Variants in SNTG2 observed in about 807,000 individuals in gnomAD.
The protein encoded by SNTG2 is gamma-2-syntrophin.
Under a neutral mutation model 70.9 loss-of-function variants are expected in SNTG2, and 74 were observed. The ratio of observed to expected loss-of-function variants is 1.04; its 90% CI spans 0.86 to 1.27. SNTG2 has a LOEUF of 1.27. Ranked by LOEUF, SNTG2 falls within the 50% of genes most tolerant of loss-of-function variation. The pLI is 0.00. For missense variants in SNTG2, 717 were observed against 690.7 expected (o/e 1.04, Z -0.43); for synonymous variants, 278 against 273.8 (o/e 1.02, Z -0.15).
At chr2:1,255,409 A>G (rs1267006060) in intron 12 of SNTG2, among the ~76,000 whole-genome samples, 1 of 152,162 alleles carries the variant, frequency 6.6e-6, no homozygotes, top group African/African-American at 2.4e-5. Flanking sequence ...ATACTTCTTG[A>G]AAACACAGGC....
chr2:1,227,894 C>G (rs1675901506), intron 9 of SNTG2, among the ~76,000 whole-genome samples: 1 of 152,224 alleles, frequency 6.6e-6, no homozygotes, highest in African/African-American at 2.4e-5. Flanking sequence ...AAACACCGCT[C>G]TGCTGGGCAG....
chr2:1,328,104 CGTGAGAACTCTATCATG>C (rs1379355780), intron 16 of SNTG2, among the ~76,000 whole-genome samples: 17 of 152,018 alleles, frequency 1.1e-4, no homozygotes, highest in African/African-American at 3.9e-4. Context: ...AACCCCATCT[CGTGAGAACTCTATCATG>C]AGAACAGCAC....
intron 8 of SNTG2, among the ~76,000 whole-genome samples, chr2:1,187,728 A>G (rs1364781938): frequency 1.3e-5 from 2 of 152,188 alleles, no homozygotes; most frequent in Admixed American, 1.3e-4. Flanking sequence ...AGCAGAGATC[A>G]TTTCCAAAGA....
intron 1 of SNTG2, among the ~76,000 whole-genome samples, chr2:962,669 T>A (rs547920989): frequency 6.6e-6 from 1 of 152,310 alleles, no homozygotes; most frequent in African/African-American, 2.4e-5. Context: ...ATCTTTGAAA[T>A]AAATAGAAAA....
chr2:1,223,332 C>T (rs62107212), intron 9 of SNTG2, among the ~76,000 whole-genome samples: 4,689 of 44,240 alleles, frequency 0.11, no homozygotes, highest in Middle Eastern at 0.15. Context: ...AGGAAGGCGG[C>T]GCAGTGATGG....
intron 7 of SNTG2, among the ~76,000 whole-genome samples, chr2:1,167,684 G>A (rs1670822051): frequency 1.4e-5 from 1 of 69,066 alleles, no homozygotes. Context: ...CAGAACTGAA[G>A]CCTAGAAGCC....
At chr2:962,670 A>C (rs1249493991) in intron 1 of SNTG2, among the ~76,000 whole-genome samples, 1 of 152,236 alleles carries the variant, frequency 6.6e-6, no homozygotes, top group East Asian at 1.9e-4. Context: ...TCTTTGAAAT[A>C]AATAGAAAAA....
chr2:1,016,261 C>T (rs1032655544), intron 1 of SNTG2, among the ~76,000 whole-genome samples: 7 of 151,778 alleles, frequency 4.6e-5, no homozygotes, highest in African/African-American at 7.3e-5. Flanking sequence ...TTTTGTTTTG[C>T]GACGGAGTCT....
At chr2:952,135 A>G (rs1659995584) in intron 1 of SNTG2, among the ~76,000 whole-genome samples, 1 of 152,226 alleles carries the variant, frequency 6.6e-6, no homozygotes, top group Non-Finnish European at 1.5e-5. Flanking sequence ...ATTTCATGTA[A>G]AATGTGGGTG....
intron 1 of SNTG2, among the ~76,000 whole-genome samples, chr2:1,007,333 T>G (rs935753747): frequency 3.3e-5 from 5 of 152,170 alleles, no homozygotes; most frequent in African/African-American, 4.8e-5. Flanking sequence ...ACTTGTTACC[T>G]CATCGGTGGA....
intron 16 of SNTG2, among the ~76,000 whole-genome samples, chr2:1,324,435 G>A (rs560209279): frequency 6.6e-6 from 1 of 152,090 alleles, no homozygotes; most frequent in South Asian, 2.1e-4. Context: ...TAATAAAGAA[G>A]AAAATTTTCA....
At chr2:966,797 A>T (rs989797290) in intron 1 of SNTG2, among the ~76,000 whole-genome samples, 1 of 152,026 alleles carries the variant, frequency 6.6e-6, no homozygotes, top group Non-Finnish European at 1.5e-5. Context: ...ATACAAAAAA[A>T]TTAGCTGGGC....
At chr2:982,685 C>T (rs372533207) in intron 1 of SNTG2, among the ~76,000 whole-genome samples, 12 of 152,346 alleles carry the variant, frequency 7.9e-5, no homozygotes, top group East Asian at 3.9e-4. Context: ...ACAGGACTCC[C>T]GTGGGCAGGG....
At chr2:1,005,236 G>A (rs1659528824) in intron 1 of SNTG2, among the ~76,000 whole-genome samples, 1 of 152,158 alleles carries the variant, frequency 6.6e-6, no homozygotes, top group Non-Finnish European at 1.5e-5. Flanking sequence ...GTATGATCCT[G>A]TAGTGGTGGA....
intron 9 of SNTG2, among the ~76,000 whole-genome samples, chr2:1,224,294 G>T (rs908004056): frequency 6.6e-6 from 1 of 152,158 alleles, no homozygotes; most frequent in Non-Finnish European, 1.5e-5. Flanking sequence ...CCACTTTTAG[G>T]AATTAGGCCA....
At chr2:1,068,184 A>G (rs1663281751) in intron 1 of SNTG2, 1 of 152,212 alleles carries the variant, frequency 6.6e-6, no homozygotes, top group African/African-American at 2.4e-5. Flanking sequence ...TGTGTCACCC[A>G]ATAATCCAAG....
chr2:1,357,720 G>T (rs575831463), intron 16 of SNTG2, among the ~76,000 whole-genome samples: 1 of 150,356 alleles, frequency 6.7e-6, no homozygotes, highest in African/African-American at 2.4e-5. Context: ...TTAGATTGTC[G>T]GTTTCTTCAT....
intron 15 of SNTG2, among the ~76,000 whole-genome samples, chr2:1,315,914 C>G (rs1681254398): frequency 6.6e-6 from 1 of 152,038 alleles, no homozygotes; most frequent in Non-Finnish European, 1.5e-5. Flanking sequence ...GAACAATGCT[C>G]ATAGGATGTT....
chr2:1,236,861 T>G (rs1051182208), intron 9 of SNTG2, among the ~76,000 whole-genome samples: 2 of 152,198 alleles, frequency 1.3e-5, no homozygotes, highest in Admixed American at 1.3e-4. Flanking sequence ...ATATGTTTGC[T>G]TTGTTCTGTA....
Sources: gnomAD v4.1 joint callset for allele counts (sites outside exome capture counted in the v4.1 genomes callset) on GRCh38, gnomAD v4.1.1 for gene constraint, MANE v1.5 for transcripts, NCBI Gene and HGNC (gene_info 2026-07-23, HGNC 2026-07-21) for gene names.